ABCC4: variants seen among roughly 807,000 people sequenced by gnomAD.
The protein encoded by ABCC4 is ATP-binding cassette sub-family C member 4.
In ABCC4, 102 loss-of-function variants were observed where a neutral mutation model predicts 168.5. The observed-to-expected ratio is 0.61, with a 90% confidence interval of 0.52 to 0.71. The LOEUF is 0.71. Ranked by LOEUF, ABCC4 falls within the 30% of genes least tolerant of loss-of-function variation. ABCC4 has a pLI of 0.00. For missense variants in ABCC4, 1,402 were observed against 1,605.8 expected, an observed-to-expected ratio of 0.87 and a Z score of 2.17; for synonymous variants, 617 against 590.7, an observed-to-expected ratio of 1.04 and a Z score of -0.65.
chr13:95,149,122 T>C (rs1406436250), intron 19 of ABCC4, among the ~76,000 whole-genome samples: 2 of 152,210 alleles, frequency 1.3e-5, no homozygotes, highest in Admixed American at 1.3e-4. Context: ...GATGGCTGGA[T>C]TACACAGGTG....
intron 20 of ABCC4, among the ~76,000 whole-genome samples, chr13:95,103,550 C>A (rs1020863918): frequency 3.9e-5 from 6 of 152,182 alleles, no homozygotes; most frequent in Non-Finnish European, 5.9e-5. Context: ...TACTGGGACA[C>A]AGCCTTGTGA....
At chr13:95,236,555 A>G (rs1314126648) in intron 3 of ABCC4, among the ~76,000 whole-genome samples, 2 of 151,908 alleles carry the variant, frequency 1.3e-5, no homozygotes, top group African/African-American at 4.8e-5. Context: ...GGGTCATGAT[A>G]TTAAATCCCA....
chr13:95,276,322 G>A (rs541626114), intron 1 of ABCC4, among the ~76,000 whole-genome samples: 102 of 151,232 alleles, frequency 6.7e-4, no homozygotes, highest in Non-Finnish European at 1.2e-3. Context: ...GGCTGAAGTG[G>A]GAGGATCACT....
chr13:95,252,603 A>T (rs1334599402), intron 1 of ABCC4, among the ~76,000 whole-genome samples: 6 of 152,196 alleles, frequency 3.9e-5, no homozygotes, highest in Admixed American at 6.5e-5. Context: ...TGAAACTGGG[A>T]GGCAGAAGTT....
In ABCC4 at chr13:95,071,042, G is replaced by A. The variant is rs1366680524; in HGVS notation, c.3210+620C>T. On this transcript the variant is annotated intron_variant, in intron 25 of 30. Transcript: ENST00000645237. ...TCATGATAGTGAATAAGTATCATGA[G>A]ATCTGATGGTTTTATAAGGGGAAGT... Among the ~76,000 whole-genome samples, 3 of 148,382 alleles carry A rather than the reference G, an allele frequency of 2.0e-5. No individual in the cohort carries two copies. The Admixed American group carries it at 2.1e-4, about 10-fold the overall frequency.
chr13:95,263,933 G>A (rs2040601400), intron 1 of ABCC4, among the ~76,000 whole-genome samples: 1 of 152,074 alleles, frequency 6.6e-6, no homozygotes, highest in Admixed American at 6.6e-5. Flanking sequence ...TTGAGAAATG[G>A]CTGAATCCAA....
At chr13:95,036,539 A>G (rs546703033) in intron 29 of ABCC4, among the ~76,000 whole-genome samples, 122 of 152,296 alleles carry the variant, frequency 8.0e-4, no homozygotes, top group African/African-American at 2.9e-3. Context: ...AATGTTCTCA[A>G]AAAGCATTAT....
In ABCC4 at chr13:95,020,330, G is replaced by A. The variant is rs2031023203; in HGVS notation, c.*1245C>T. 1 of 152,288 alleles carries A rather than the reference G, an allele frequency of 6.6e-6. No homozygotes were observed. Among genetic ancestry groups the A allele is most frequent in the Admixed American group, 6.5e-5 (1 of 15,268 alleles). The allele number at this position is 152,288 out of a possible 1,614,324, so 9.4% of individuals were successfully genotyped here. On this transcript the variant is annotated 3_prime_UTR_variant, in exon 31 of 31. Transcript: ENST00000645237. Reference sequence around the variant, plus strand: ...TCAGGGAGGTGACACCTTATTCTGAGAGGTCATGAGACTCCACTTCAAACC... The same window carrying A: ...TCAGGGAGGTGACACCTTATTCTGAAAGGTCATGAGACTCCACTTCAAACC...
intron 27 of ABCC4, among the ~76,000 whole-genome samples, chr13:95,051,308 A>G (rs1167718125): frequency 2.0e-5 from 3 of 152,242 alleles, no homozygotes; most frequent in African/African-American, 7.2e-5. Flanking sequence ...AAACCCATCT[A>G]TAAATTAAAG....
At chr13:95,036,517 A>G (rs1212758187) in intron 29 of ABCC4, among the ~76,000 whole-genome samples, 1 of 131,304 alleles carries the variant, frequency 7.6e-6, no homozygotes, top group African/African-American at 3.9e-5. Context: ...GCAGAGCCAG[A>G]AAAAAAAAAA....
At chr13:95,102,259 C>T (rs1016028235) in intron 20 of ABCC4, among the ~76,000 whole-genome samples, 4 of 152,168 alleles carry the variant, frequency 2.6e-5, no homozygotes, top group East Asian at 1.9e-4. Context: ...ATCTTCCGGA[C>T]TCAGCCTCCA....
At chr13:95,112,830 CCCGTG>C (rs1456501897) in intron 20 of ABCC4, among the ~76,000 whole-genome samples, 2 of 152,130 alleles carry the variant, frequency 1.3e-5, no homozygotes, top group African/African-American at 4.8e-5. Flanking sequence ...AAACCCAGGG[CCCGTG>C]ATGTCAGCAG....
chr13:95,066,575 G>T (rs1435250366), intron 25 of ABCC4, among the ~76,000 whole-genome samples: 1 of 152,204 alleles, frequency 6.6e-6, no homozygotes, highest in Non-Finnish European at 1.5e-5. Flanking sequence ...TATACAATAA[G>T]CTAGGTGTTT....
intron 14 of ABCC4, chr13:95,170,299 T>C (rs1367860119): frequency 9.9e-6 from 4 of 404,596 alleles, no homozygotes; most frequent in Non-Finnish European, 1.8e-5. Flanking sequence ...AGTTCTAAAT[T>C]AAAACAGCAT....
intron 8 of ABCC4, among the ~76,000 whole-genome samples, chr13:95,199,929 T>C (rs781163057): frequency 6.6e-5 from 10 of 152,222 alleles, no homozygotes; most frequent in Non-Finnish European, 1.3e-4. Context: ...CACACAATGC[T>C]GCAGGCTATT....
At chr13:95,183,872 C>T (rs969512282) in intron 11 of ABCC4, among the ~76,000 whole-genome samples, 9 of 152,198 alleles carry the variant, frequency 5.9e-5, no homozygotes, top group African/African-American at 2.2e-4. Context: ...CGAGATTACA[C>T]CATTAGACTC....
chr13:95,025,884 A>G (rs1013490625), intron 30 of ABCC4, among the ~76,000 whole-genome samples: 26 of 152,192 alleles, frequency 1.7e-4, no homozygotes, highest in Non-Finnish European at 3.7e-4. Context: ...ACATGAGTTG[A>G]CAGTGGTCAA....
intron 19 of ABCC4, among the ~76,000 whole-genome samples, chr13:95,134,297 C>T (rs936904040): frequency 8.5e-5 from 13 of 152,306 alleles, no homozygotes; most frequent in African/African-American, 2.9e-4. Flanking sequence ...ATTCTCTATA[C>T]TTCCAGGGGA....
chr13:95,074,124 G>A, intron 23 of ABCC4, 90 bp downstream of exon 23: 1 of 961,882 alleles, frequency 1.0e-6, no homozygotes, highest in Non-Finnish European at 1.6e-6. Flanking sequence ...ACAGTATGTA[G>A]TAGTAGACAA....
Sources: allele counts gnomAD v4.1 joint callset (sites outside exome capture counted in the v4.1 genomes callset), GRCh38; gene constraint gnomAD v4.1.1; transcripts MANE v1.5; gene names NCBI Gene and HGNC (gene_info 2026-07-23, HGNC 2026-07-21).